The following SSH1 variants were observed in gnomAD, a reference collection of about 807,000 sequenced individuals.
SSH1 encodes the protein protein phosphatase Slingshot homolog 1.
SSH1 carries 43 observed loss-of-function variants against 79.7 expected under a neutral mutation model. The ratio of observed to expected loss-of-function variants is 0.54; its 90% CI spans 0.42 to 0.70. The LOEUF (loss-of-function observed/expected upper bound fraction) is 0.70. Among genes scored for constraint, SSH1 ranks in the 30% least tolerant of loss-of-function variants. SSH1 has a pLI of 0.00. For synonymous variants in SSH1, 599 were observed against 538.3 expected (o/e 1.11, Z -1.56); for missense variants, 1,206 against 1,358.8 (o/e 0.89, Z 1.77).
intron 5 of SSH1, among the ~76,000 whole-genome samples, chr12:108,812,782 G>C (rs1242712307): frequency 6.6e-6 from 1 of 152,088 alleles, no homozygotes; most frequent in Admixed American, 6.5e-5. Flanking sequence ...TGTTACTTTT[G>C]TGAGTTTCCA....
chr12:108,848,325 G>C (rs772086163), intron 2 of SSH1, among the ~76,000 whole-genome samples: 2 of 152,134 alleles, frequency 1.3e-5, no homozygotes, highest in Admixed American at 6.6e-5. Context: ...GGATGAATCA[G>C]AGCTGACTTT....
chr12:108,811,583 G>A (rs1247964282), intron 5 of SSH1: 1 of 531,752 alleles, frequency 1.9e-6, no homozygotes, highest in Non-Finnish European at 3.5e-6. Flanking sequence ...ACAGCAGGGA[G>A]GCAGCTGCCC....
chr12:108,788,413 T>A lies in SSH1; in HGVS notation c.2725A>T (p.Ser909Cys). ...PPFFYRLDHT[S>C]SFSKDFLKTI... ...TTCAGAAAGTCTTTTGAGAAACTAC[T>A]GGTGTGGTCCAGGCGGTAGAAGAAA... Residue 909 changes from serine (S) to cysteine (C), a missense_variant, in exon 15 of 15, where the codon AGT (serine) becomes TGT (cysteine). Physicochemically the swap from Ser to Cys is moderately radical, Grantham distance 112 (BLOSUM62 -1). This residue lies in a region of SSH1 where 709 missense variants were observed against 730.6 expected (regional missense o/e 0.97). Transcript: ENST00000326495. The A allele has an allele frequency of 4.4e-6, 7 of 1,607,560 alleles. No homozygotes were observed. The highest frequency in any genetic ancestry group is 5.9e-6 in the Non-Finnish European group (7 of 1,177,432).
chr12:108,844,740 C>T (rs1022376834), intron 2 of SSH1, among the ~76,000 whole-genome samples: 5 of 152,198 alleles, frequency 3.3e-5, no homozygotes, highest in African/African-American at 4.8e-5. Context: ...AACAATCTGT[C>T]ATAAGACCCT....
rs369445141 is a variant in SSH1 at position 108,818,306 on chromosome 12, C to G, written c.222G>C (p.Leu74=). ...TGATCATCACCTGAAGATGTTGAGG[C>G]AGATCACCTGTTGGACCAATAAAGA... ...LQHPHKHAGD[L]PQHLQVMINL... Residue 74 remains leucine (L), a synonymous_variant, in exon 4 of 15, where the codon CTG becomes CTC. Transcript: ENST00000326495. 6.2e-7 allele frequency: 1 copy of G among 1,613,792 alleles called. No homozygotes were observed. Among genetic ancestry groups the G allele is most frequent in the Non-Finnish European group, 8.5e-7 (1 of 1,179,898 alleles).
At chr12:108,845,501 G>A (rs950934136) in intron 2 of SSH1, among the ~76,000 whole-genome samples, 28 of 152,144 alleles carry the variant, frequency 1.8e-4, no homozygotes, top group East Asian at 7.8e-4. Flanking sequence ...CAACCTGCCC[G>A]ACATGATGAA....
intron 2 of SSH1, chr12:108,837,074 A>T (rs1158030767): frequency 2.4e-6 from 1 of 411,394 alleles, no homozygotes; most frequent in African/African-American, 2.0e-5. Context: ...TCTACTAAAA[A>T]TACAAAAATT....
At chr12:108,837,918 G>C (rs1292745166) in intron 2 of SSH1, among the ~76,000 whole-genome samples, 2 of 151,988 alleles carry the variant, frequency 1.3e-5, no homozygotes, top group African/African-American at 4.8e-5. Flanking sequence ...AAGTAGCTGG[G>C]ACTACAGGTG....
chr12:108,802,192 G>C (rs922810949), intron 11 of SSH1, 130 bp downstream of exon 11: 5 of 762,744 alleles, frequency 6.6e-6, no homozygotes, highest in African/African-American at 5.1e-5. Context: ...ATCAACCCCT[G>C]GCAGCCACTT....
At chr12:108,837,329 G>A (rs1308213045) in intron 2 of SSH1, among the ~76,000 whole-genome samples, 1 of 152,220 alleles carries the variant, frequency 6.6e-6, no homozygotes, top group Non-Finnish European at 1.5e-5. Context: ...AGGATAACTA[G>A]ATGCAATGGG....
intron 10 of SSH1, among the ~76,000 whole-genome samples, chr12:108,804,346 C>A: frequency 6.6e-6 from 1 of 152,256 alleles, no homozygotes; most frequent in East Asian, 1.9e-4. Flanking sequence ...CCCTGGTGGG[C>A]CCTGATTTTC....
intron 3 of SSH1, 143 bp downstream of exon 3, chr12:108,823,113 TGA>T: frequency 3.9e-6 from 3 of 762,112 alleles, no homozygotes; most frequent in Non-Finnish European, 6.8e-6. Flanking sequence ...AGAGAGCATC[TGA>T]GCCTCTGCCT....
intron 14 of SSH1, among the ~76,000 whole-genome samples, chr12:108,791,713 C>G (rs2036508280): frequency 6.6e-6 from 1 of 152,160 alleles, no homozygotes; most frequent in South Asian, 2.1e-4. Context: ...GAACCGTGAT[C>G]ATGCCACTGT....
chr12:108,857,455 G>C lies in SSH1; in HGVS notation c.42C>G (p.Ala14=). The change falls in exon 1 of 15, where the codon GCC becomes GCG. Residue 14 remains alanine, a synonymous_variant. Transcript: ENST00000326495. The surrounding 1 kb of genome is among the most constrained non-coding windows in gnomAD (Gnocchi z 4.7). ...CGCTGTTGCTGGCCGAGGAGGAGGC[G>C]GCGCTGGGCGTGGGCGAGCGCTGCA... ...VTLQRSPTPS[A]ASSSASNSEL... The C allele has an allele frequency of 8.9e-7, 1 of 1,118,354 alleles. No homozygotes were observed. The allele number at this position is 1,118,354 out of a possible 1,614,324, so 69.3% of individuals were successfully genotyped here.
chr12:108,852,865 G>A, intron 1 of SSH1, 187 bp from the exon 2 acceptor site: 2 of 985,412 alleles, frequency 2.0e-6, no homozygotes, highest in Non-Finnish European at 1.2e-6. Flanking sequence ...TTCCGTGGGG[G>A]AATTTTCAGG....
chr12:108,779,606 T>C lies in SSH1; in HGVS notation c.*8382A>G, dbSNP rs1396322230. On this transcript the variant is annotated 3_prime_UTR_variant, in exon 15 of 15. Coordinates refer to ENST00000326495, the MANE Select transcript of SSH1 (RefSeq NM_018984.4). The stretch of plus-strand genomic sequence containing the variant: ...AGAATAATGCCAACAAGGCAGTTAA[T>C]AGAAGGATCCCAAGGTAGTCCAAAG... 6.6e-6 allele frequency: 1 copy of C among 152,166 alleles called. No individual in the cohort carries two copies. Among genetic ancestry groups the C allele is most frequent in the African/African-American group, 2.4e-5 (1 of 41,442 alleles). 9.4% of individuals were successfully genotyped at this position (152,166 alleles called of 1,614,324 possible). A position where few individuals can be genotyped will look rare whatever the true frequency, so the allele number is the denominator to read the frequency against.
chr12:108,833,230 C>T (rs889204706), intron 2 of SSH1, among the ~76,000 whole-genome samples: 5 of 151,768 alleles, frequency 3.3e-5, no homozygotes, highest in Non-Finnish European at 5.9e-5. Context: ...AAGATAGTTC[C>T]CTGATGACCC....
At chr12:108,837,748 T>C (rs1301735646) in intron 2 of SSH1, among the ~76,000 whole-genome samples, 3 of 152,136 alleles carry the variant, frequency 2.0e-5, no homozygotes, top group African/African-American at 7.2e-5. Flanking sequence ...TTTGTATGTG[T>C]TGGGAGCATT....
chr12:108,806,525 A>G lies in SSH1; in HGVS notation c.732-131T>C. 3.7e-6 allele frequency: 3 copies of G among 812,188 alleles called. 1 individual carries two copies. The highest frequency in any genetic ancestry group is 6.4e-6 in the Non-Finnish European group (3 of 469,820). 50.3% of individuals were successfully genotyped at this position (812,188 alleles called of 1,614,324 possible). ...AAGGAGAGCACGCTTCTTGGTGTGC[A>G]TGTTCTCAGGCAGCAGGGAGAGGTG... On this transcript the variant is annotated intron_variant, in intron 8 of 14. Transcript: ENST00000326495.
Sources: gnomAD v4.1 joint callset for allele counts (sites outside exome capture counted in the v4.1 genomes callset) on GRCh38, gnomAD v4.1.1 for gene constraint, gnomAD v4.1.1 regional missense constraint, Gnocchi (gnomAD v3.1) non-coding constraint, MANE v1.5 for transcripts, NCBI Gene and HGNC (gene_info 2026-07-23, HGNC 2026-07-21) for gene names.